Variants in CHMP7 observed in about 807,000 individuals in gnomAD.
CHMP7 encodes the protein charged multivesicular body protein 7, also known as CHMP family, member 7.
CHMP7 carries 15 observed loss-of-function variants against 53.7 expected under a neutral mutation model. The observed-to-expected ratio is 0.28, with a 90% confidence interval of 0.19 to 0.43. CHMP7 has a LOEUF of 0.43. Among genes scored for constraint, CHMP7 ranks in the 20% least tolerant of loss-of-function variants. CHMP7 has a pLI of 1.00. For synonymous variants in CHMP7, 261 were observed against 228.0 expected (o/e 1.14, Z -1.30); for missense variants, 527 against 569.4 (o/e 0.93, Z 0.76).
chr8:23,253,493 G>A (rs753609616), intron 3 of CHMP7, among the ~76,000 whole-genome samples: 1 of 152,094 alleles, frequency 6.6e-6, no homozygotes, highest in Non-Finnish European at 1.5e-5. Flanking sequence ...CACCCTGTTG[G>A]CCAGGCTGGT....
At chr8:23,258,614 A>G in intron 7 of CHMP7, 118 bp from the exon 8 acceptor site, 1 of 1,200,696 alleles carries the variant, frequency 8.3e-7, no homozygotes, top group Non-Finnish European at 1.2e-6. Flanking sequence ...GGTATAGGGT[A>G]AATTGAGCTT....
chr8:23,247,748 G>T (rs958373706), intron 2 of CHMP7, among the ~76,000 whole-genome samples: 59 of 152,240 alleles, frequency 3.9e-4, no homozygotes, highest in African/African-American at 1.4e-3. Flanking sequence ...GAGATCAAGT[G>T]ACTTACTCAG....
chr8:23,254,170 C>T (rs1802037475), intron 3 of CHMP7, among the ~76,000 whole-genome samples: 1 of 137,078 alleles, frequency 7.3e-6, no homozygotes, highest in Non-Finnish European at 1.6e-5. Flanking sequence ...GCTCACTCTT[C>T]AGAATTCTGC....
chr8:23,259,259 C>T (rs1480542256), intron 9 of CHMP7, 133 bp downstream of exon 9: 4 of 502,822 alleles, frequency 8.0e-6, no homozygotes, highest in Non-Finnish European at 1.4e-5. Context: ...AGCTCCGCCT[C>T]CCGGGTTCAC....
intron 1 of CHMP7, among the ~76,000 whole-genome samples, chr8:23,244,912 A>T (rs1455941492): frequency 6.6e-6 from 1 of 152,164 alleles, no homozygotes; most frequent in African/African-American, 2.4e-5. Context: ...ATGGTATTGC[A>T]TTTTTAATTT....
intron 4 of CHMP7, among the ~76,000 whole-genome samples, chr8:23,255,717 T>G (rs1802097428): frequency 6.6e-6 from 1 of 151,744 alleles, no homozygotes; most frequent in African/African-American, 2.4e-5. Flanking sequence ...GTCTCAGTGA[T>G]CAGATTGACT....
intron 3 of CHMP7, among the ~76,000 whole-genome samples, chr8:23,254,418 G>C (rs1254550280): frequency 6.6e-6 from 1 of 152,078 alleles, no homozygotes. Context: ...GTTTGAGACA[G>C]AGTTTTGCTC....
At chr8:23,251,401 G>A (rs537538546) in intron 3 of CHMP7, among the ~76,000 whole-genome samples, 38 of 152,256 alleles carry the variant, frequency 2.5e-4, no homozygotes, top group Non-Finnish European at 4.9e-4. Flanking sequence ...GTGAGAGTGC[G>A]TGAGTGTGTA....
At chr8:23,254,077 A>G (rs548879797) in intron 3 of CHMP7, among the ~76,000 whole-genome samples, 2 of 152,014 alleles carry the variant, frequency 1.3e-5, no homozygotes, top group African/African-American at 4.8e-5. Flanking sequence ...ACATTTGTAC[A>G]CGTGCCGCAT....
In CHMP7 at chr8:23,260,606, C is replaced by T. The variant is rs748012794; in HGVS notation, c.*7C>T. On this transcript the variant is annotated 3_prime_UTR_variant, in exon 11 of 11. Coordinates refer to ENST00000397677, the MANE Select transcript of CHMP7 (RefSeq NM_152272.5). ...GACTCTAAAGCCATTGTAGGACCCT[C>T]AAGTGAAGGACCCTCATGTAAAAGA... is the stretch of plus-strand genomic sequence containing the variant. 1 of 1,610,454 alleles carries T rather than the reference C, an allele frequency of 6.2e-7. No homozygotes were observed. The highest frequency in any genetic ancestry group is 8.5e-7 in the Non-Finnish European group (1 of 1,176,630).
chr8:23,259,025 C>A (rs1200600141), intron 8 of CHMP7, 41 bp from the exon 9 acceptor site: 6 of 1,368,730 alleles, frequency 4.4e-6, no homozygotes, highest in Non-Finnish European at 6.3e-6. Flanking sequence ...ATGCTCAGAG[C>A]CACCATGCCC....
chr8:23,249,604 CAG>C lies in CHMP7; in HGVS notation c.471+224_471+225del, dbSNP rs1801841594. On this transcript the variant is annotated intron_variant, in intron 3 of 10. Transcript: ENST00000397677. ...CCTTTGTGTCGGAATTTTCAGTTAA[CAG>C]TGGATTATTTTCTAGTATCTGTAGG... is the stretch of plus-strand genomic sequence containing the variant. Among the ~76,000 whole-genome samples the C allele has an allele frequency of 2.6e-5, 4 of 152,280 alleles. 1 individual carries two copies. In the South Asian group the frequency reaches 8.3e-4, roughly 32 times the overall value.
chr8:23,252,195 C>CTT (rs373288680), intron 3 of CHMP7, among the ~76,000 whole-genome samples: 29,976 of 105,458 alleles, frequency 0.28, 5,784 homozygotes, highest in East Asian at 0.56. Flanking sequence ...ATTGTGTTAT[C>CTT]TTTTTTTTTT....
chr8:23,244,707 G>C (rs1801626186), intron 1 of CHMP7, among the ~76,000 whole-genome samples: 1 of 152,132 alleles, frequency 6.6e-6, no homozygotes, highest in African/African-American at 2.4e-5. Context: ...GATTTCACTG[G>C]ATCTACAGAT....
intron 3 of CHMP7, 131 bp from the exon 4 acceptor site, chr8:23,255,116 C>G: frequency 3.4e-6 from 3 of 889,168 alleles, no homozygotes; most frequent in Non-Finnish European, 5.3e-6. Flanking sequence ...AAAGCCGCTA[C>G]TTTGGGGAGG....
Position 23,256,460 on chromosome 8 carries a change from A to G in CHMP7, c.658A>G (p.Ile220Val), listed in dbSNP as rs201333861. ...VTVLEQNGEK[I>V]VKFARGPRAK... ...GTAGTAATTTCTCCCTGTCCCTCAGATTGTGAAGTTTGCCCGAGGGCCACG... is the reference window on the plus strand; with the variant it reads ...GTAGTAATTTCTCCCTGTCCCTCAGGTTGTGAAGTTTGCCCGAGGGCCACG... The change falls in exon 5 of 11, where the codon ATT becomes GTT. Residue 220 changes from isoleucine to valine, a missense_variant and splice_region_variant. By Grantham distance (29) the Ile-to-Val change is conservative. Coordinates refer to ENST00000397677, the MANE Select transcript of CHMP7 (RefSeq NM_152272.5). The G allele has an allele frequency of 1.2e-6, 2 of 1,601,654 alleles. No individual in the cohort carries two copies. The highest frequency in any genetic ancestry group is 2.2e-5 in the East Asian group (1 of 44,820).
chr8:23,250,377 C>T (rs182315980), intron 3 of CHMP7, among the ~76,000 whole-genome samples: 45 of 152,292 alleles, frequency 3.0e-4, no homozygotes, highest in African/African-American at 9.4e-4. Flanking sequence ...TTTGTCCCAT[C>T]GGCTGGCCTC....
chr8:23,260,192 A>G lies in CHMP7; in HGVS notation c.1169A>G (p.Asp390Gly). The part of the protein sequence containing the change: ...LEKELDILLQ[D>G]TTKEPLDLPD... ...AAGGAATTGGACATCCTCCTTCAGGATACCACCAAAGAACCTTTGGATCTG... is the reference window on the plus strand; with the variant it reads ...AAGGAATTGGACATCCTCCTTCAGGGTACCACCAAAGAACCTTTGGATCTG... The change falls in exon 10 of 11, where the codon GAT (aspartate) becomes GGT (glycine). Residue 390 changes from aspartate to glycine, a missense_variant. By Grantham distance (94) the Asp-to-Gly change is moderately conservative. Transcript: ENST00000397677. 6.2e-7 allele frequency: 1 copy of G among 1,614,172 alleles called. No homozygotes were observed. The highest frequency in any genetic ancestry group is 8.5e-7 in the Non-Finnish European group (1 of 1,180,014).
In CHMP7 at chr8:23,243,842, T is replaced by C. The variant is rs1034690856; in HGVS notation, c.-443T>C. ...GTATTTTGGATTTTCACCATTCTAA[T>C]AGGTGTGTAGTAGTATGCTATTCTT... On this transcript the variant is annotated splice_region_variant and 5_prime_UTR_variant, in exon 1 of 11. Coordinates refer to ENST00000397677, the MANE Select transcript of CHMP7 (RefSeq NM_152272.5). The C allele has an allele frequency of 1.3e-5, 2 of 152,842 alleles. No homozygotes were observed. Among genetic ancestry groups the C allele is most frequent in the African/African-American group, 4.8e-5 (2 of 41,470 alleles). The allele number at this position is 152,842 out of a possible 1,614,324, so 9.5% of individuals were successfully genotyped here.
Sources: gnomAD v4.1 joint callset for allele counts (sites outside exome capture counted in the v4.1 genomes callset) on GRCh38, gnomAD v4.1.1 for gene constraint, MANE v1.5 for transcripts, NCBI Gene and HGNC (gene_info 2026-07-23, HGNC 2026-07-21) for gene names.